The following VSX1 variants were observed in gnomAD, a reference collection of about 807,000 sequenced individuals.
VSX1 encodes homeodomain protein RINX.
Under a neutral mutation model 23.6 loss-of-function variants are expected in VSX1, and 23 were observed. The ratio of observed to expected loss-of-function variants is 0.97; its 90% CI spans 0.70 to 1.38. The LOEUF (loss-of-function observed/expected upper bound fraction) is 1.38. Ranked by LOEUF, VSX1 falls within the 40% of genes most tolerant of loss-of-function variation. The probability of loss-of-function intolerance (pLI) is 0.00; values close to 1 mark genes in which losing one functional copy is unlikely to be tolerated. For missense variants in VSX1, 517 were observed against 495.4 expected, an observed-to-expected ratio of 1.04 and a Z score of -0.41; for synonymous variants, 247 against 215.1, an observed-to-expected ratio of 1.15 and a Z score of -1.30.
chr20:25,074,453 G>A (rs565179252), downstream of VSX1, among the ~76,000 whole-genome samples: 12 of 152,136 alleles, frequency 7.9e-5, no homozygotes, highest in East Asian at 1.9e-4. Flanking sequence ...CCTTTCTCTC[G>A]TGCCACTTCC....
At chr20:25,078,684 T>C in intron 3 of VSX1, 145 bp downstream of exon 3, 2 of 1,606,570 alleles carry the variant, frequency 1.2e-6, no homozygotes, top group Non-Finnish European at 1.7e-6. Context: ...CAAGCTCTTG[T>C]GGTGCCTTCA....
Position 25,081,729 on chromosome 20 carries a change from C to G in VSX1, c.368G>C (p.Ser123Thr). The change falls in exon 1 of 5, where the codon AGC (serine) becomes ACC (threonine). Residue 123 changes from serine (S) to threonine (T), a missense_variant. By Grantham distance (58) the Ser-to-Thr change is moderately conservative. Coordinates refer to ENST00000376709, the MANE Select transcript of VSX1 (RefSeq NM_014588.6). The part of the protein sequence containing the change: ...GPEPAAPLAP[S>T]RPPPALGRQK... ...GCGGCCGAGCGCAGGCGGCGGACGG[C>G]TGGGAGCCAGCGGGGCAGCGGGCTC... is the stretch of plus-strand genomic sequence containing the variant. The G allele has an allele frequency of 6.7e-7, 1 of 1,501,926 alleles. No homozygotes were observed. Among genetic ancestry groups the G allele is most frequent in the African/African-American group, 1.4e-5 (1 of 69,882 alleles). 93.0% of individuals were successfully genotyped at this position (1,501,926 alleles called of 1,614,324 possible). A position where few individuals can be genotyped will look rare whatever the true frequency, so the allele number is the denominator to read the frequency against.
Position 25,081,909 on chromosome 20 carries a change from C to A in VSX1, c.188G>T (p.Cys63Phe). The A allele has an allele frequency of 1.3e-6, 2 of 1,528,802 alleles. No homozygotes were observed. The highest frequency in any genetic ancestry group is 1.7e-6 in the Non-Finnish European group (2 of 1,144,202). The allele number at this position is 1,528,802 out of a possible 1,614,324, so 94.7% of individuals were successfully genotyped here. A position where few individuals can be genotyped will look rare whatever the true frequency, so the allele number is the denominator to read the frequency against. ...SGCEGPAVAPCPGPGLDGSSL... is the reference protein window; with the variant it reads ...SGCEGPAVAPFPGPGLDGSSL... ...GGAGCCGTCAAGCCCCGGGCCCGGGCACGGCGCGACTGCCGGACCCTCGCA... is the reference window on the plus strand; with the variant it reads ...GGAGCCGTCAAGCCCCGGGCCCGGGAACGGCGCGACTGCCGGACCCTCGCA... The change falls in exon 1 of 5, where the codon TGC becomes TTC. Residue 63 changes from cysteine to phenylalanine, a missense_variant. Transcript: ENST00000376709.
At chr20:25,075,390 T>C (rs2089466473), downstream of VSX1, 1 of 152,050 alleles carries the variant, frequency 6.6e-6, no homozygotes, top group Admixed American at 6.6e-5. Flanking sequence ...TGAGAAGGGG[T>C]GAAGGGAGAG....
chr20:25,071,473 C>T (rs776235321), downstream of VSX1: 8 of 446,386 alleles, frequency 1.8e-5, no homozygotes, highest in South Asian at 1.2e-4. Flanking sequence ...CCTGCCCTAA[C>T]ACTCAGGGTC....
At chr20:25,077,653 C>T (rs2089529854) in intron 4 of VSX1, 32 bp downstream of exon 4, 2 of 1,540,934 alleles carry the variant, frequency 1.3e-6, no homozygotes, top group Non-Finnish European at 1.7e-6. Flanking sequence ...TACAACACCT[C>T]GAGCCGTGCG....
At chr20:25,071,414 G>A (rs747912857), downstream of VSX1, 2 of 454,052 alleles carry the variant, frequency 4.4e-6, no homozygotes, top group South Asian at 3.1e-5. Flanking sequence ...AGAGGTTGCG[G>A]TGAGCTATGA....
chr20:25,075,144 A>G (rs559343512), downstream of VSX1, among the ~76,000 whole-genome samples: 86 of 152,232 alleles, frequency 5.6e-4, no homozygotes, highest in Non-Finnish European at 9.7e-4. Flanking sequence ...CTAGCCTGAC[A>G]GATCACTGGG....
downstream of VSX1, among the ~76,000 whole-genome samples, chr20:25,073,947 G>C (rs771343095): frequency 6.6e-6 from 1 of 152,110 alleles, no homozygotes; most frequent in Non-Finnish European, 1.5e-5. Flanking sequence ...CTGCTCTTAG[G>C]GCGACGTTTT....
rs1568862523 is a variant in VSX1 at position 25,076,007 on chromosome 20, A to G, written c.*254T>C. 1 of 559,526 alleles carries G rather than the reference A, an allele frequency of 1.8e-6. No homozygotes were observed. Among genetic ancestry groups the G allele is most frequent in the Non-Finnish European group, 3.2e-6 (1 of 315,208 alleles). The allele number at this position is 559,526 out of a possible 1,614,324, so 34.7% of individuals were successfully genotyped here. On this transcript the variant is annotated 3_prime_UTR_variant, in exon 5 of 5. Transcript: ENST00000376709. ...TCGGATCCTCCCTGCTCAAGCTACA[A>G]AAGAGAATCAAAAGTTTTGCACCAA...
intron 3 of VSX1, 89 bp from the exon 4 acceptor site, chr20:25,077,954 G>A (rs2089545636): frequency 4.8e-6 from 7 of 1,450,628 alleles, no homozygotes; most frequent in East Asian, 2.5e-5. Context: ...CCAGGGCTCG[G>A]ATCTTCTCTC....
chr20:25,071,042 G>A (rs1435145111), downstream of VSX1: 5 of 454,086 alleles, frequency 1.1e-5, no homozygotes, highest in South Asian at 7.8e-5. Flanking sequence ...ATGGGTAATG[G>A]ACAATTATGT....
intron 1 of VSX1, 166 bp downstream of exon 1, chr20:25,081,507 G>A (rs958139335): frequency 1.2e-5 from 12 of 1,042,582 alleles, no homozygotes; most frequent in Middle Eastern, 2.0e-4. Flanking sequence ...AGGGGCAGGC[G>A]GCGCAGCTCC....
chr20:25,073,089 G>A (rs987684183), downstream of VSX1, among the ~76,000 whole-genome samples: 2 of 152,172 alleles, frequency 1.3e-5, no homozygotes, highest in African/African-American at 4.8e-5. Flanking sequence ...TCCATCCTCA[G>A]ATTGGCACTG....
intron 1 of VSX1, among the ~76,000 whole-genome samples, chr20:25,079,813 A>G (rs2089601981): frequency 6.6e-6 from 1 of 152,160 alleles, no homozygotes. Flanking sequence ...GCCCAAAATC[A>G]CACAGGTAGT....
At chr20:25,071,595 C>G (rs534212248), downstream of VSX1, 15 of 497,396 alleles carry the variant, frequency 3.0e-5, no homozygotes, top group Admixed American at 2.5e-4. Flanking sequence ...GAAGCAGTTC[C>G]GAGTGATAGA....
At chr20:25,072,478 C>T, downstream of VSX1, 1 of 468,404 alleles carries the variant, frequency 2.1e-6, no homozygotes, top group Non-Finnish European at 4.4e-6. Context: ...CGATACTGTC[C>T]TGCTGTGATG....
At chr20:25,071,525 A>G, downstream of VSX1, 1 of 456,390 alleles carries the variant, frequency 2.2e-6, no homozygotes, top group Non-Finnish European at 4.4e-6. Context: ...GAGGAAGTCC[A>G]GAAAAGTCAG....
intron 1 of VSX1, chr20:25,081,419 C>A (rs1209414148): frequency 1.3e-6 from 1 of 756,096 alleles, no homozygotes; most frequent in African/African-American, 1.7e-5. Flanking sequence ...AAGGTTCCAC[C>A]CGGAACCAGG....
Sources: allele counts gnomAD v4.1 joint callset (sites outside exome capture counted in the v4.1 genomes callset), GRCh38; gene constraint gnomAD v4.1.1; transcripts MANE v1.5; gene names NCBI Gene and HGNC (gene_info 2026-07-23, HGNC 2026-07-21).